Variants in SLC39A11 observed in about 807,000 individuals in gnomAD.
SLC39A11 encodes solute carrier family 39 member 11.
Under a neutral mutation model 36.1 loss-of-function variants are expected in SLC39A11, and 33 were observed. The ratio of observed to expected loss-of-function variants is 0.91; its 90% CI spans 0.69 to 1.22. The LOEUF is 1.22. SLC39A11 is among the 50% of genes most tolerant of loss of function. The probability of loss-of-function intolerance (pLI) is 0.00; values close to 1 mark genes in which losing one functional copy is unlikely to be tolerated. For missense variants in SLC39A11, 432 were observed against 430.3 expected, an observed-to-expected ratio of 1.00 and a Z score of -0.03; for synonymous variants, 166 against 170.3, an observed-to-expected ratio of 0.97 and a Z score of 0.20.
At chr17:72,667,643 A>G (rs8071617) in intron 7 of SLC39A11, among the ~76,000 whole-genome samples, 10,013 of 152,250 alleles carry the variant, frequency 0.066, 506 homozygotes, top group African/African-American at 0.13. Flanking sequence ...GATGGTGGGC[A>G]AAGCAACCAC....
At chr17:72,686,491 T>G (rs527882065) in intron 7 of SLC39A11, among the ~76,000 whole-genome samples, 1 of 152,274 alleles carries the variant, frequency 6.6e-6, no homozygotes, top group East Asian at 1.9e-4. Context: ...TAAAGACAGG[T>G]GCACCACACC....
intron 5 of SLC39A11, among the ~76,000 whole-genome samples, chr17:72,904,588 G>C (rs1242708381): frequency 6.6e-6 from 1 of 152,166 alleles, no homozygotes; most frequent in East Asian, 1.9e-4. Flanking sequence ...GAAGGTCCCA[G>C]AGCACCCCAG....
At chr17:72,705,281 G>T (rs986624231) in intron 7 of SLC39A11, among the ~76,000 whole-genome samples, 1 of 152,174 alleles carries the variant, frequency 6.6e-6, no homozygotes, top group African/African-American at 2.4e-5. Flanking sequence ...GGTTATCAAG[G>T]TCCTGCTCCC....
chr17:72,824,942 G>A lies in SLC39A11; in HGVS notation c.601+24692C>T, dbSNP rs1160696049. On this transcript the variant is annotated intron_variant, in intron 6 of 9. Coordinates refer to ENST00000255559, the MANE Select transcript of SLC39A11 (RefSeq NM_139177.4). ...ATTTAAAAGGGAAGCAGAGCAAAAA[G>A]TTTAGAAACTTTGCAGCCTGACCAT... Among the ~76,000 whole-genome samples the A allele has an allele frequency of 4.6e-5, 7 of 151,374 alleles. 1 individual carries two copies. The highest frequency in any genetic ancestry group is 1.7e-4 in the African/African-American group (7 of 41,370).
At chr17:72,994,067 C>T (rs1014332887) in intron 4 of SLC39A11, among the ~76,000 whole-genome samples, 19 of 152,182 alleles carry the variant, frequency 1.2e-4, no homozygotes, top group Admixed American at 2.6e-4. Context: ...CCAAGTTTCA[C>T]CCGTTACAGT....
intron 4 of SLC39A11, among the ~76,000 whole-genome samples, chr17:72,978,318 G>C (rs1361276758): frequency 3.9e-5 from 6 of 152,096 alleles, no homozygotes; most frequent in Non-Finnish European, 8.8e-5. Flanking sequence ...TGGTGTTGGC[G>C]ACACGGCCAA....
intron 4 of SLC39A11, among the ~76,000 whole-genome samples, chr17:73,010,880 C>G (rs1275450601): frequency 6.6e-6 from 1 of 152,240 alleles, no homozygotes; most frequent in Non-Finnish European, 1.5e-5. Context: ...AAAGCACTTT[C>G]AACTTCGATG....
intron 4 of SLC39A11, among the ~76,000 whole-genome samples, chr17:72,963,169 C>CTTTTTTTTT (rs5821936): frequency 7.9e-5 from 9 of 114,526 alleles, no homozygotes; most frequent in African/African-American, 2.8e-4. Context: ...TTTTTCCTTT[C>CTTTTTTTTT]TTTTTTTTTT....
intron 5 of SLC39A11, among the ~76,000 whole-genome samples, chr17:72,917,612 G>GA (rs1214179057): frequency 6.6e-6 from 1 of 152,104 alleles, no homozygotes; most frequent in African/African-American, 2.4e-5. Context: ...GACATTCCAA[G>GA]AAAAAAATTT....
At chr17:72,742,620 A>G (rs1472933995) in intron 6 of SLC39A11, among the ~76,000 whole-genome samples, 30 of 152,156 alleles carry the variant, frequency 2.0e-4, no homozygotes, top group Non-Finnish European at 1.5e-5. Context: ...TAAAACCATA[A>G]ACAACAGCTG....
chr17:72,946,813 C>T (rs963755257), intron 5 of SLC39A11, among the ~76,000 whole-genome samples: 2 of 152,150 alleles, frequency 1.3e-5, no homozygotes, highest in Non-Finnish European at 2.9e-5. Context: ...GAAGGAGAGG[C>T]GTCTGACCCC....
intron 5 of SLC39A11, among the ~76,000 whole-genome samples, chr17:72,947,153 T>C (rs1415824524): frequency 6.6e-6 from 1 of 152,126 alleles, no homozygotes; most frequent in Non-Finnish European, 1.5e-5. Flanking sequence ...AAACACCATC[T>C]CTACTAAAAG....
At chr17:72,952,518 G>T (rs556895178) in intron 4 of SLC39A11, among the ~76,000 whole-genome samples, 203 of 152,342 alleles carry the variant, frequency 1.3e-3, no homozygotes, top group African/African-American at 4.6e-3. Flanking sequence ...TGGGCATGGG[G>T]ACTGCAGGTT....
At chr17:72,991,859 T>C (rs1180471657) in intron 4 of SLC39A11, among the ~76,000 whole-genome samples, 1 of 152,212 alleles carries the variant, frequency 6.6e-6, no homozygotes, top group African/African-American at 2.4e-5. Context: ...TATCTAAAAC[T>C]GAAACTGCTT....
intron 7 of SLC39A11, among the ~76,000 whole-genome samples, chr17:72,666,933 T>C (rs1463256836): frequency 6.6e-6 from 1 of 152,232 alleles, no homozygotes; most frequent in Non-Finnish European, 1.5e-5. Flanking sequence ...ATTTATGCAG[T>C]GCAGGGAGAG....
intron 6 of SLC39A11, among the ~76,000 whole-genome samples, chr17:72,785,111 C>T (rs920272350): frequency 6.6e-6 from 1 of 152,156 alleles, no homozygotes; most frequent in Non-Finnish European, 1.5e-5. Context: ...CATGATCCGC[C>T]CACCTCAGCC....
intron 6 of SLC39A11, among the ~76,000 whole-genome samples, chr17:72,842,612 T>C (rs1166417567): frequency 4.6e-5 from 7 of 152,180 alleles, no homozygotes; most frequent in Non-Finnish European, 2.9e-5. Context: ...TCAATCTGTA[T>C]GATACTGCAT....
At chr17:72,712,902 A>C (rs2073171092) in intron 7 of SLC39A11, 1 of 152,300 alleles carries the variant, frequency 6.6e-6, no homozygotes, top group Non-Finnish European at 1.5e-5. Context: ...AAGACATGAC[A>C]TGAGGGCATG....
chr17:72,995,778 T>A (rs765716815), intron 4 of SLC39A11, among the ~76,000 whole-genome samples: 1 of 152,198 alleles, frequency 6.6e-6, no homozygotes, highest in Non-Finnish European at 1.5e-5. Context: ...CACCACTGGC[T>A]TTCCTGGTTC....
Sources: gnomAD v4.1 joint callset for allele counts (sites outside exome capture counted in the v4.1 genomes callset) on GRCh38, gnomAD v4.1.1 for gene constraint, MANE v1.5 for transcripts, NCBI Gene and HGNC (gene_info 2026-07-23, HGNC 2026-07-21) for gene names.